The following TPST2 variants were observed in gnomAD, a reference collection of about 807,000 sequenced individuals.
TPST2 encodes tyrosylprotein sulfotransferase 2.
A neutral mutation model predicts 27.8 loss-of-function variants in TPST2; 16 were observed. The ratio of observed to expected loss-of-function variants is 0.58; its 90% CI spans 0.39 to 0.88. The LOEUF (loss-of-function observed/expected upper bound fraction) is 0.88. Among genes scored for constraint, TPST2 ranks in the 40% least tolerant of loss-of-function variants. The pLI, the probability that TPST2 is intolerant of heterozygous loss-of-function variation, is 0.00. For missense variants in TPST2, 464 were observed against 543.1 expected (o/e 0.85, Z 1.45); for synonymous variants, 229 against 231.7 (o/e 0.99, Z 0.10).
chr22:26,573,887 T>G (rs568611381), intron 1 of TPST2, among the ~76,000 whole-genome samples: 1 of 152,180 alleles, frequency 6.6e-6, no homozygotes, highest in African/African-American at 2.4e-5. Context: ...GGACAGACTG[T>G]GATATCTTCT....
At chr22:26,588,353 T>C (rs2145946548) in intron 1 of TPST2, among the ~76,000 whole-genome samples, 1 of 152,250 alleles carries the variant, frequency 6.6e-6, no homozygotes, top group Middle Eastern at 3.4e-3. Flanking sequence ...CATAGAGAAT[T>C]TGAGAGTCAG....
chr22:26,579,424 C>T (rs1014045918), intron 1 of TPST2, among the ~76,000 whole-genome samples: 1 of 152,178 alleles, frequency 6.6e-6, no homozygotes, highest in African/African-American at 2.4e-5. Context: ...GCCCTGGGGC[C>T]CGGTGGGGAA....
rs1212956983 is a variant in TPST2 at position 26,523,199 on chromosome 22, A to AAACG, written c.*3075_*3076insCGTT. ...GCGGGACTCTGTCTCCAAAACAAAC[A>AAACG]AACAAACAATCCTCCAGAGCAATCT... On this transcript the variant is annotated 3_prime_UTR_variant, in exon 7 of 7. Coordinates refer to ENST00000338754, the MANE Select transcript of TPST2 (RefSeq NM_003595.5). 1 of 152,288 alleles carries AAACG rather than the reference A, an allele frequency of 6.6e-6. No individual in the cohort carries two copies. The highest frequency in any genetic ancestry group is 1.5e-5 in the Non-Finnish European group (1 of 68,094). The allele number at this position is 152,288 out of a possible 1,614,324, so 9.4% of individuals were successfully genotyped here. A position where few individuals can be genotyped will look rare whatever the true frequency, so the allele number is the denominator to read the frequency against.
At chr22:26,586,876 G>A (rs973479002) in intron 1 of TPST2, among the ~76,000 whole-genome samples, 2 of 152,228 alleles carry the variant, frequency 1.3e-5, no homozygotes, top group Non-Finnish European at 2.9e-5. Context: ...AGCAAAGAGT[G>A]TGAAGGAAGA....
In TPST2 at chr22:26,584,126, A is replaced by G. The variant is rs1440992614; in HGVS notation, c.-161+5927T>C. Among the ~76,000 whole-genome samples the G allele has an allele frequency of 3.3e-5, 5 of 152,378 alleles. No homozygotes were observed. In the East Asian group the frequency reaches 9.6e-4, roughly 29 times the overall value. On this transcript the variant is annotated intron_variant, in intron 1 of 6. Transcript: ENST00000338754. Reference sequence around the variant, plus strand: ...AAACACACACGTAGCATGGGAGCTCAACAAAAAACATGCAGCAGGGTGAAC... The same window carrying G: ...AAACACACACGTAGCATGGGAGCTCGACAAAAAACATGCAGCAGGGTGAAC...
chr22:26,534,009 T>C (rs1925311946), intron 4 of TPST2, among the ~76,000 whole-genome samples: 1 of 152,216 alleles, frequency 6.6e-6, no homozygotes, highest in Non-Finnish European at 1.5e-5. Flanking sequence ...ATGTAATTTA[T>C]ATAAAAGTGA....
At chr22:26,555,487 A>C (rs1454596739) in intron 1 of TPST2, among the ~76,000 whole-genome samples, 1 of 152,242 alleles carries the variant, frequency 6.6e-6, no homozygotes, top group Admixed American at 6.5e-5. Flanking sequence ...AACGTTTAAC[A>C]TTTCCAAAAT....
chr22:26,554,698 G>C (rs1420246683), intron 1 of TPST2, among the ~76,000 whole-genome samples: 1 of 152,220 alleles, frequency 6.6e-6, no homozygotes, highest in Non-Finnish European at 1.5e-5. Flanking sequence ...AGCACTTTGG[G>C]AGGCCAAGGT....
At chr22:26,528,158 T>C in intron 6 of TPST2, 56 bp downstream of exon 6, 1 of 1,549,136 alleles carries the variant, frequency 6.5e-7, no homozygotes. Flanking sequence ...TTCAGAAAAG[T>C]GGCTCCGGGG....
At chr22:26,575,370 A>G (rs746844236) in intron 1 of TPST2, among the ~76,000 whole-genome samples, 1 of 152,090 alleles carries the variant, frequency 6.6e-6, no homozygotes, top group African/African-American at 2.4e-5. Context: ...TCCTCTCCCA[A>G]ATAATTACGG....
rs574033027 is a variant in TPST2, at chr22:26,575,864, T to C, written c.-161+14189A>G. On this transcript the variant is annotated intron_variant, in intron 1 of 6. Transcript: ENST00000338754. ...CAAAAAAATTAGCCGGGCCTGGTGA[T>C]GTGTGCTTGTAATCCCAGCTACTGA... Among the ~76,000 whole-genome samples, 3 of 152,106 alleles carry C rather than the reference T, an allele frequency of 2.0e-5. No individual in the cohort carries two copies. The East Asian group carries it at 5.8e-4, about 29-fold the overall frequency.
chr22:26,536,884 C>T (rs1228106469), intron 3 of TPST2, among the ~76,000 whole-genome samples: 3 of 152,026 alleles, frequency 2.0e-5, no homozygotes, highest in African/African-American at 7.2e-5. Flanking sequence ...CATGGTGAAA[C>T]CCCATTACAA....
intron 1 of TPST2, among the ~76,000 whole-genome samples, chr22:26,553,262 T>C (rs1926584092): frequency 6.6e-6 from 1 of 151,628 alleles, no homozygotes; most frequent in African/African-American, 2.4e-5. Context: ...GGAAAACAAA[T>C]AGTTGATTGA....
At chr22:26,588,235 T>C (rs1452457320) in intron 1 of TPST2, among the ~76,000 whole-genome samples, 1 of 148,918 alleles carries the variant, frequency 6.7e-6, no homozygotes, top group Admixed American at 6.7e-5. Flanking sequence ...TGATACAGGC[T>C]GCAAGGGGCT....
chr22:26,576,806 A>T (rs1232792776), intron 1 of TPST2, among the ~76,000 whole-genome samples: 1 of 150,522 alleles, frequency 6.6e-6, no homozygotes, highest in Non-Finnish European at 1.5e-5. Flanking sequence ...CCCTGTCTCT[A>T]AAAAAAAAGG....
chr22:26,583,773 G>A (rs1466565085), intron 1 of TPST2, among the ~76,000 whole-genome samples: 1 of 152,154 alleles, frequency 6.6e-6, no homozygotes, highest in Non-Finnish European at 1.5e-5. Context: ...CCAGGAGACG[G>A]AGGTTGCAAG....
chr22:26,554,077 G>A (rs1201257969), intron 1 of TPST2, among the ~76,000 whole-genome samples: 3 of 152,096 alleles, frequency 2.0e-5, no homozygotes, highest in Non-Finnish European at 4.4e-5. Context: ...TTACAGAAGG[G>A]GAAACTGAGG....
intron 1 of TPST2, among the ~76,000 whole-genome samples, chr22:26,566,061 G>A (rs1221534916): frequency 6.6e-6 from 1 of 152,220 alleles, no homozygotes; most frequent in Non-Finnish European, 1.5e-5. Context: ...AGCCACAGCA[G>A]CCACATTTCG....
chr22:26,572,543 T>C (rs1430959523), intron 1 of TPST2, among the ~76,000 whole-genome samples: 1 of 152,130 alleles, frequency 6.6e-6, no homozygotes, highest in Non-Finnish European at 1.5e-5. Context: ...AATAGATGGG[T>C]CCATACCCTC....
Sources: allele counts gnomAD v4.1 joint callset (sites outside exome capture counted in the v4.1 genomes callset), GRCh38; gene constraint gnomAD v4.1.1; transcripts MANE v1.5; gene names NCBI Gene and HGNC (gene_info 2026-07-23, HGNC 2026-07-21).